Variants in PCDH1 observed in about 807,000 individuals in gnomAD.
PCDH1 encodes protocadherin 1.
PCDH1 carries 23 observed loss-of-function variants against 74.6 expected under a neutral mutation model. The ratio of observed to expected loss-of-function variants is 0.31; its 90% CI spans 0.22 to 0.44. PCDH1 has a LOEUF of 0.44. Ranked by LOEUF, PCDH1 falls within the 20% of genes least tolerant of loss-of-function variation. PCDH1 has a pLI of 1.00. For missense variants in PCDH1, 1,214 were observed against 1,641.4 expected (o/e 0.74, Z 4.50); for synonymous variants, 647 against 686.1 (o/e 0.94, Z 0.89).
At position 141,869,304 on chromosome 5, in the gene PCDH1, G is replaced by A. The variant is rs763339238; in HGVS notation, c.168C>T (p.His56=). ...GCACCTTGTACACTACCCGAGTGGC[G>A]TGGCCTGGGGATGGAGCCAGCAGGA... ...LLLLLAPSPG[H]ATRVVYKVPE... The change falls in exon 2 of 5, where the codon CAC becomes CAT. Residue 56 remains histidine (H), a synonymous_variant. Coordinates refer to ENST00000287008, the MANE Select transcript of PCDH1 (RefSeq NM_032420.5). The surrounding 1 kb of genome is among the most constrained non-coding windows in gnomAD (Gnocchi z 4.9). 1.6e-5 allele frequency: 26 copies of A among 1,602,706 alleles called. No individual in the cohort carries two copies. Among genetic ancestry groups the A allele is most frequent in the Middle Eastern group, 1.6e-4 (1 of 6,078 alleles).
At chr5:141,858,582 T>C (rs1238489674) in intron 3 of PCDH1, among the ~76,000 whole-genome samples, 1 of 152,154 alleles carries the variant, frequency 6.6e-6, no homozygotes, top group Non-Finnish European at 1.5e-5. Flanking sequence ...TGCCACAGGT[T>C]AACGATCAGC....
chr5:141,854,429 G>A lies in PCDH1; in HGVS notation c.3327C>T (p.Arg1109=). The A allele has an allele frequency of 6.2e-7, 1 of 1,607,430 alleles. No homozygotes were observed. Among genetic ancestry groups the A allele is most frequent in the South Asian group, 1.1e-5 (1 of 90,004 alleles). ...CTGTCATGGCGACATCAGGCAAAGGGCGAAGGTCTGTAGGAGGGAGCGGGG... is the reference window on the plus strand; with the variant it reads ...CTGTCATGGCGACATCAGGCAAAGGACGAAGGTCTGTAGGAGGGAGCGGGG... ...GEMEHPENDL[R]PLPDVAMTGT... The change falls in exon 5 of 5, where the codon CGC becomes CGT. Residue 1109 remains arginine (R), a synonymous_variant. Coordinates refer to ENST00000287008, the MANE Select transcript of PCDH1 (RefSeq NM_032420.5).
At chr5:141,872,528 A>C (rs1230228189) in intron 1 of PCDH1, among the ~76,000 whole-genome samples, 2 of 152,202 alleles carry the variant, frequency 1.3e-5, no homozygotes, top group African/African-American at 2.4e-5. Flanking sequence ...TTTAGCCGCT[A>C]ATTCAGGGGG....
intron 2 of PCDH1, chr5:141,866,007 T>C (rs547209962): frequency 1.3e-4 from 127 of 978,144 alleles, no homozygotes; most frequent in South Asian, 3.3e-4. Flanking sequence ...TTATGTGTGA[T>C]TTTTGTGTGA....
In PCDH1 at chr5:141,869,646, A is replaced by G; in HGVS notation, c.41-215T>C. ...CAGCAGTGTCTGCCCCAGCTGGAGG[A>G]GCCAGTAAGAGGCCTGGCATGCCTA... is the stretch of plus-strand genomic sequence containing the variant. On this transcript the variant is annotated intron_variant, in intron 1 of 4. Transcript: ENST00000287008. This position sits in a 1 kb window ranked among gnomAD's most constrained non-coding sequence, Gnocchi z 4.9. 6.5e-7 allele frequency: 1 copy of G among 1,533,156 alleles called. No individual in the cohort carries two copies. Among genetic ancestry groups the G allele is most frequent in the Non-Finnish European group, 8.7e-7 (1 of 1,145,754 alleles). The allele number at this position is 1,533,156 out of a possible 1,614,324, so 95.0% of individuals were successfully genotyped here.
At chr5:141,855,954 A>ACCCCCCCCC (rs34330177) in intron 4 of PCDH1, among the ~76,000 whole-genome samples, 1 of 148,822 alleles carries the variant, frequency 6.7e-6, no homozygotes, top group Non-Finnish European at 1.5e-5. Flanking sequence ...CCAGGCAGTG[A>ACCCCCCCCC]CCCCCCCCCA....
At chr5:141,861,146 G>C (rs1216482593) in intron 3 of PCDH1, among the ~76,000 whole-genome samples, 1 of 145,728 alleles carries the variant, frequency 6.9e-6, no homozygotes, top group Non-Finnish European at 1.5e-5. Flanking sequence ...AAAAGGAAGT[G>C]AGCAGTAGCA....
At chr5:141,873,602 A>T (rs936032636) in intron 1 of PCDH1, among the ~76,000 whole-genome samples, 2 of 143,030 alleles carry the variant, frequency 1.4e-5, no homozygotes, top group African/African-American at 5.2e-5. Context: ...GCCCGCCACC[A>T]TGCCCAGCTA....
At position 141,864,803 on chromosome 5, in the gene PCDH1, C is replaced by T; in HGVS notation, c.1528G>A (p.Val510Ile). 1 of 1,614,166 alleles carries T rather than the reference C, an allele frequency of 6.2e-7. No individual in the cohort carries two copies. Among genetic ancestry groups the T allele is most frequent in the Non-Finnish European group, 8.5e-7 (1 of 1,180,028 alleles). ...TTTTCCGGGAAGGCGACCTCAGTGA[C>T]ACTCTGAGTGAAGACAGGTGCGTTG... is the stretch of plus-strand genomic sequence containing the variant. ...NDNAPVFTQS[V>I]TEVAFPENNK... Residue 510 changes from valine to isoleucine, a missense_variant, in exon 3 of 5, where the codon GTC (valine) becomes ATC (isoleucine). By Grantham distance (29) the Val-to-Ile change is conservative. Coordinates refer to ENST00000287008, the MANE Select transcript of PCDH1 (RefSeq NM_032420.5). This position sits in a 1 kb window ranked among gnomAD's most constrained non-coding sequence, Gnocchi z 5.9.
intron 1 of PCDH1, among the ~76,000 whole-genome samples, chr5:141,877,083 C>A (rs978048973): frequency 6.6e-6 from 1 of 152,186 alleles, no homozygotes; most frequent in African/African-American, 2.4e-5. Flanking sequence ...ATTAACGTGG[C>A]GGGGCGCTTG....
Position 141,869,253 on chromosome 5 carries a change from G to A in PCDH1, c.219C>T (p.Leu73=), listed in dbSNP as rs745651948. Residue 73 remains leucine (L), a synonymous_variant, in exon 2 of 5, where the codon CTC becomes CTT. Transcript: ENST00000287008. This position sits in a 1 kb window ranked among gnomAD's most constrained non-coding sequence, Gnocchi z 4.9. ...CATAGTCGGCTGCGAGGCTCCCAAT[G>A]AGGGTGTTGGGTGGCTGTTCCTCCG... ...KVPEEQPPNT[L]IGSLAADYGF... 10 of 1,612,808 alleles carry A rather than the reference G, an allele frequency of 6.2e-6. No individual in the cohort carries two copies. Among genetic ancestry groups the A allele is most frequent in the Non-Finnish European group, 8.5e-6 (10 of 1,179,518 alleles).
rs1292530895 is a variant in PCDH1 at position 141,869,766 on chromosome 5, C to G, written c.41-335G>C. ...CTCTTTCCTTCTTTTCCTCCTTGCT[C>G]TCTGCTCTGTGCTTCACCCAACACC... is the stretch of plus-strand genomic sequence containing the variant. On this transcript the variant is annotated intron_variant, in intron 1 of 4. Transcript: ENST00000287008. The surrounding 1 kb of genome is among the most constrained non-coding windows in gnomAD (Gnocchi z 4.9). The G allele has an allele frequency of 6.1e-6, 6 of 985,322 alleles. No homozygotes were observed. The African/African-American group carries it at 1.0e-4, about 17-fold the overall frequency. 61.0% of individuals were successfully genotyped at this position (985,322 alleles called of 1,614,324 possible).
chr5:141,864,886 C>A lies in PCDH1; in HGVS notation c.1445G>T (p.Gly482Val). 6.2e-7 allele frequency: 1 copy of A among 1,614,142 alleles called. No individual in the cohort carries two copies. The highest frequency in any genetic ancestry group is 8.5e-7 in the Non-Finnish European group (1 of 1,180,036). The change falls in exon 3 of 5, where the codon GGC (glycine) becomes GTC (valine). Residue 482 changes from glycine (G) to valine (V), a missense_variant. Gly to Val is a moderately radical substitution (Grantham distance 109). This residue lies in a region of PCDH1 where 836 missense variants were observed against 1,182.2 expected (regional missense o/e 0.71). Coordinates refer to ENST00000287008, the MANE Select transcript of PCDH1 (RefSeq NM_032420.5). This position sits in a 1 kb window ranked among gnomAD's most constrained non-coding sequence, Gnocchi z 5.9. Reference sequence around the variant, plus strand: ...GTTAGTGCTGGAGAGTGGGGGGTTGCCAGAGTCCACAGCCACAATCTCAAT... The same window carrying A: ...GTTAGTGCTGGAGAGTGGGGGGTTGACAGAGTCCACAGCCACAATCTCAAT... ...YTIEIVAVDSGNPPLSSTNSL... is the reference protein window; with the variant it reads ...YTIEIVAVDSVNPPLSSTNSL...
intron 1 of PCDH1, among the ~76,000 whole-genome samples, chr5:141,874,850 G>A (rs893380425): frequency 1.3e-5 from 2 of 152,116 alleles, no homozygotes; most frequent in African/African-American, 4.8e-5. Flanking sequence ...GGGGAGAGGG[G>A]AAGAAAATGG....
rs759596323 is a variant in PCDH1 at position 141,854,212 on chromosome 5, T to C, written c.3544A>G (p.Thr1182Ala). The change falls in exon 5 of 5, where the codon ACG (threonine) becomes GCG (alanine). Residue 1182 changes from threonine to alanine, a missense_variant. By Grantham distance (58) the Thr-to-Ala change is moderately conservative. Coordinates refer to ENST00000287008, the MANE Select transcript of PCDH1 (RefSeq NM_032420.5). Reference protein sequence around the residue: ...PSPPEDRNTKTAPVRLLPSYS... With the variant: ...PSPPEDRNTKAAPVRLLPSYS... ...GAGGGCAGGAGGCGCACGGGGGCCG[T>C]TTTGGTGTTCCGGTCTTCCGGGGGG... The C allele has an allele frequency of 1.7e-5, 28 of 1,610,054 alleles. No individual in the cohort carries two copies. Among genetic ancestry groups the C allele is most frequent in the Non-Finnish European group, 2.2e-5 (26 of 1,177,750 alleles).
intron 1 of PCDH1, among the ~76,000 whole-genome samples, chr5:141,873,749 C>T (rs950492749): frequency 1.2e-4 from 19 of 152,208 alleles, no homozygotes; most frequent in Middle Eastern, 3.4e-3. Flanking sequence ...TGAGCCACTG[C>T]GCCCAGCCCC....
intron 1 of PCDH1, among the ~76,000 whole-genome samples, chr5:141,877,658 C>A (rs896519989): frequency 6.6e-6 from 1 of 152,262 alleles, no homozygotes; most frequent in African/African-American, 2.4e-5. Context: ...GAGCTGGCGA[C>A]GGTGCCCCAG....
chr5:141,861,141 G>T, intron 3 of PCDH1, among the ~76,000 whole-genome samples: 1 of 128,726 alleles, frequency 7.8e-6, no homozygotes, highest in African/African-American at 2.7e-5. Context: ...AAAAAAAAAG[G>T]AAGTGAGCAG....
chr5:141,863,040 A>G lies in PCDH1; in HGVS notation c.3099+192T>C. ...GAGACCACAGAGCACACCCTCCCTT[A>G]ATCTTCACTCAGCCTAATCCGTGTG... On this transcript the variant is annotated intron_variant, in intron 3 of 4. Coordinates refer to ENST00000287008, the MANE Select transcript of PCDH1 (RefSeq NM_032420.5). The surrounding 1 kb of genome is among the most constrained non-coding windows in gnomAD (Gnocchi z 7.5). 1 of 1,316,220 alleles carries G rather than the reference A, an allele frequency of 7.6e-7. No homozygotes were observed. Among genetic ancestry groups the G allele is most frequent in the East Asian group, 2.8e-5 (1 of 36,170 alleles). The allele number at this position is 1,316,220 out of a possible 1,614,324, so 81.5% of individuals were successfully genotyped here. A position where few individuals can be genotyped will look rare whatever the true frequency, so the allele number is the denominator to read the frequency against.
Sources: gnomAD v4.1 joint callset for allele counts (sites outside exome capture counted in the v4.1 genomes callset) on GRCh38, gnomAD v4.1.1 for gene constraint, gnomAD v4.1.1 regional missense constraint, Gnocchi (gnomAD v3.1) non-coding constraint, MANE v1.5 for transcripts, NCBI Gene and HGNC (gene_info 2026-07-23, HGNC 2026-07-21) for gene names.